The following HAUS6 variants were observed in gnomAD, a reference collection of about 807,000 sequenced individuals.
The protein encoded by HAUS6 is HAUS augmin-like complex subunit 6.
HAUS6 carries 80 observed loss-of-function variants against 106.8 expected under a neutral mutation model. The ratio of observed to expected loss-of-function variants is 0.75; its 90% CI spans 0.63 to 0.90. The LOEUF is 0.90. Among genes scored for constraint, HAUS6 ranks in the 40% least tolerant of loss-of-function variants. The pLI is 0.00. For synonymous variants in HAUS6, 356 were observed against 379.1 expected, an observed-to-expected ratio of 0.94 and a Z score of 0.71; for missense variants, 1,155 against 1,118.1, an observed-to-expected ratio of 1.03 and a Z score of -0.47.
chr9:19,080,354 A>G (rs10963942), intron 9 of HAUS6, 125 bp downstream of exon 9: 257,395 of 641,536 alleles, frequency 0.4, 54,588 homozygotes, highest in African/African-American at 0.67. Flanking sequence ...ATTATGTAAG[A>G]TTTTTGAGTA....
chr9:19,053,402 G>T lies in HAUS6; in HGVS notation c.*2941C>A, dbSNP rs1448205727. ...GAAGATAATAGTCTGCTTTTACACAGGTCTCCAGAATTCCTGTTTTTCCTT... is the reference window on the plus strand; with the variant it reads ...GAAGATAATAGTCTGCTTTTACACATGTCTCCAGAATTCCTGTTTTTCCTT... On this transcript the variant is annotated 3_prime_UTR_variant, in exon 17 of 17. Coordinates refer to ENST00000380502, the MANE Select transcript of HAUS6 (RefSeq NM_017645.5). The T allele has an allele frequency of 6.6e-6, 1 of 152,094 alleles. No individual in the cohort carries two copies. The highest frequency in any genetic ancestry group is 2.4e-5 in the African/African-American group (1 of 41,422). The allele number at this position is 152,094 out of a possible 1,614,324, so 9.4% of individuals were successfully genotyped here.
chr9:19,063,698 C>A (rs750667507), intron 12 of HAUS6, 118 bp from the exon 13 acceptor site: 2 of 807,062 alleles, frequency 2.5e-6, no homozygotes, highest in South Asian at 1.3e-5. Flanking sequence ...TCACTCAATT[C>A]GTCCCGGTCA....
At chr9:19,094,267 T>C (rs1242940566) in intron 3 of HAUS6, 50 bp downstream of exon 3, 4 of 1,037,072 alleles carry the variant, frequency 3.9e-6, no homozygotes, top group African/African-American at 1.6e-5. Flanking sequence ...AGAGTTAAAG[T>C]AGTTTTTAAC....
rs533704967 is a variant in HAUS6 at position 19,078,200 on chromosome 9, G to A, written c.1167C>T (p.Phe389=). The A allele has an allele frequency of 1.9e-6, 3 of 1,605,160 alleles. No homozygotes were observed. In the African/African-American group the frequency reaches 4.0e-5, roughly 22 times the overall value. The change falls in exon 10 of 17, where the codon TTC becomes TTT. Residue 389 remains phenylalanine, a synonymous_variant. Coordinates refer to ENST00000380502, the MANE Select transcript of HAUS6 (RefSeq NM_017645.5). ...KWKEFLGLSP[F]SLIKGWTPSV... ...CTGGAGTCCAACCTTTAATTAGACT[G>A]AAAGGAGACAAACCAAGAAATTCTT... is the stretch of plus-strand genomic sequence containing the variant.
intron 11 of HAUS6, 25 bp from the exon 12 acceptor site, chr9:19,070,325 C>T (rs778138562): frequency 8.4e-7 from 1 of 1,192,154 alleles, no homozygotes; most frequent in Non-Finnish European, 1.2e-6. Flanking sequence ...AAATTGGTTA[C>T]TCTTTAATTA....
chr9:19,076,900 G>A (rs1489582407), intron 10 of HAUS6, among the ~76,000 whole-genome samples, 196 bp from the exon 11 acceptor site: 2 of 152,184 alleles, frequency 1.3e-5, no homozygotes, highest in Non-Finnish European at 2.9e-5. Flanking sequence ...CTAAAGAGCA[G>A]TGACATTATC....
At chr9:19,086,279 C>A (rs1326213131) in intron 7 of HAUS6, among the ~76,000 whole-genome samples, 1 of 150,494 alleles carries the variant, frequency 6.6e-6, no homozygotes, top group Non-Finnish European at 1.5e-5. Flanking sequence ...CCACTGCACT[C>A]CAGCCTGGGA....
At chr9:19,070,133 C>T (rs72696459) in intron 12 of HAUS6, 86 bp downstream of exon 12, 31,253 of 758,476 alleles carry the variant, frequency 0.041, 750 homozygotes, top group Non-Finnish European at 0.051. Flanking sequence ...AGAAGTCCAG[C>T]TGGCTTCACC....
chr9:19,088,822 G>A (rs7037714), intron 5 of HAUS6, among the ~76,000 whole-genome samples: 17,443 of 146,894 alleles, frequency 0.12, 1,077 homozygotes, highest in Admixed American at 0.14. Context: ...AGGTTGCAGT[G>A]AGCCAAGATT....
In HAUS6 at chr9:19,056,226, T is replaced by G; in HGVS notation, c.*117A>C. 1 of 610,266 alleles carries G rather than the reference T, an allele frequency of 1.6e-6. No homozygotes were observed. Among genetic ancestry groups the G allele is most frequent in the East Asian group, 2.6e-5 (1 of 38,682 alleles). The allele number at this position is 610,266 out of a possible 1,614,324, so 37.8% of individuals were successfully genotyped here. On this transcript the variant is annotated 3_prime_UTR_variant, in exon 17 of 17. Transcript: ENST00000380502. Reference sequence around the variant, plus strand: ...AGGCTAAAAGGCATTAGGAATTTTTTTAAACCTTGAAAAACAGTGTTACAC... The same window carrying G: ...AGGCTAAAAGGCATTAGGAATTTTTGTAAACCTTGAAAAACAGTGTTACAC...
At chr9:19,098,298 C>T (rs1013258768) in intron 1 of HAUS6, among the ~76,000 whole-genome samples, 9 of 151,944 alleles carry the variant, frequency 5.9e-5, no homozygotes, top group African/African-American at 2.2e-4. Flanking sequence ...ATTAGCTGGG[C>T]GTGGTGGCGT....
chr9:19,089,326 G>C lies in HAUS6; in HGVS notation c.584+86C>G, dbSNP rs186551014. On this transcript the variant is annotated intron_variant, in intron 5 of 16. Transcript: ENST00000380502. Reference sequence around the variant, plus strand: ...AGATAACCGCCAAGGTTTTCAGGTAGGCATGGATTATTTCTCCTGACATTA... The same window carrying C: ...AGATAACCGCCAAGGTTTTCAGGTACGCATGGATTATTTCTCCTGACATTA... The C allele has an allele frequency of 4.9e-6, 4 of 819,212 alleles. No homozygotes were observed. In the East Asian group the frequency reaches 1.0e-4, roughly 20 times the overall value. The allele number at this position is 819,212 out of a possible 1,614,324, so 50.7% of individuals were successfully genotyped here.
chr9:19,094,932 TA>T (rs1288678907), intron 2 of HAUS6, among the ~76,000 whole-genome samples: 1 of 152,068 alleles, frequency 6.6e-6, no homozygotes, highest in Non-Finnish European at 1.5e-5. Context: ...TAAAATGTAT[TA>T]AATGAGGGAA....
chr9:19,076,459 A>T, intron 11 of HAUS6, 143 bp downstream of exon 11: 1 of 651,976 alleles, frequency 1.5e-6, no homozygotes, highest in Admixed American at 3.0e-5. Context: ...AATAACTGAA[A>T]TTGTGAATTT....
In HAUS6 at chr9:19,056,563, T is replaced by C. The variant is rs1836475863; in HGVS notation, c.2807-159A>G. On this transcript the variant is annotated intron_variant, in intron 16 of 16. Coordinates refer to ENST00000380502, the MANE Select transcript of HAUS6 (RefSeq NM_017645.5). ...TTATTATTCTCACCAAAGTACCCTC[T>C]TTCTCCAGAGATCAATACATTCCTC... 1.2e-5 allele frequency: 7 copies of C among 568,958 alleles called. No individual in the cohort carries two copies. The South Asian group carries it at 1.6e-4, about 13-fold the overall frequency. 35.2% of individuals were successfully genotyped at this position (568,958 alleles called of 1,614,324 possible).
intron 1 of HAUS6, among the ~76,000 whole-genome samples, chr9:19,101,969 C>G (rs1299625813): frequency 1.3e-5 from 2 of 152,150 alleles, no homozygotes; most frequent in Admixed American, 6.6e-5. Context: ...AATAGAGATA[C>G]TGGCTAAAGT....
At chr9:19,068,987 A>G (rs1564010592) in intron 12 of HAUS6, among the ~76,000 whole-genome samples, 1 of 151,434 alleles carries the variant, frequency 6.6e-6, no homozygotes. Context: ...AAGTTGTCCA[A>G]TTTTTTTTTA....
At chr9:19,071,561 G>C (rs564780366) in intron 11 of HAUS6, among the ~76,000 whole-genome samples, 1 of 137,316 alleles carries the variant, frequency 7.3e-6, no homozygotes, top group South Asian at 2.3e-4. Flanking sequence ...TAATACAAAA[G>C]AAAAATATTT....
At chr9:19,059,145 C>G (rs1279347175) in intron 15 of HAUS6, 144 bp from the exon 16 acceptor site, 7 of 595,380 alleles carry the variant, frequency 1.2e-5, no homozygotes, top group Non-Finnish European at 1.8e-5. Flanking sequence ...TAAGCCTCCA[C>G]AATATAACAA....
Sources: gnomAD v4.1 joint callset for allele counts (sites outside exome capture counted in the v4.1 genomes callset) on GRCh38, gnomAD v4.1.1 for gene constraint, MANE v1.5 for transcripts, NCBI Gene and HGNC (gene_info 2026-07-23, HGNC 2026-07-21) for gene names.